THEMIS: variants seen among roughly 807,000 people sequenced by gnomAD.
THEMIS encodes thymocyte selection associated.
THEMIS carries 37 observed loss-of-function variants against 52.6 expected under a neutral mutation model. The observed-to-expected ratio is 0.70, with a 90% CI of 0.54 to 0.93. The LOEUF (loss-of-function observed/expected upper bound fraction) is 0.93. Among genes scored for constraint, THEMIS ranks in the 40% least tolerant of loss-of-function variants. THEMIS has a pLI of 0.00. For missense variants in THEMIS, 808 were observed against 763.1 expected, an observed-to-expected ratio of 1.06 and a Z score of -0.69; for synonymous variants, 292 against 272.7, an observed-to-expected ratio of 1.07 and a Z score of -0.70.
chr6:127,915,123 C>T (rs1448025436), intron 1 of THEMIS, among the ~76,000 whole-genome samples: 1 of 152,030 alleles, frequency 6.6e-6, no homozygotes, highest in Admixed American at 6.6e-5. Flanking sequence ...TTTAGAAGAA[C>T]CACAGAAAAC....
chr6:127,731,362 T>C (rs1355419821), intron 4 of THEMIS, among the ~76,000 whole-genome samples: 1 of 152,042 alleles, frequency 6.6e-6, no homozygotes, highest in African/African-American at 2.4e-5. Flanking sequence ...CATAATCACG[T>C]AAATATAATA....
rs531818949 is a variant in THEMIS at position 127,887,437 on chromosome 6, A to G, written c.91+13405T>C. Among the ~76,000 whole-genome samples the G allele has an allele frequency of 4.6e-5, 7 of 152,296 alleles. No homozygotes were observed. The South Asian group carries it at 1.2e-3, about 27-fold the overall frequency. On this transcript the variant is annotated intron_variant, in intron 1 of 5. Transcript: ENST00000368248. The stretch of plus-strand genomic sequence containing the variant: ...TGTAAAATGACATATTATTCATAAT[A>G]CTTGCAATCATGAAACAATCTGAGT...
intron 4 of THEMIS, among the ~76,000 whole-genome samples, chr6:127,809,427 A>G (rs1203476441): frequency 6.6e-6 from 1 of 152,208 alleles, no homozygotes; most frequent in Non-Finnish European, 1.5e-5. Context: ...TAAACAATGT[A>G]TTAAGCAGAT....
At chr6:127,834,219 T>C (rs1351699415) in intron 2 of THEMIS, among the ~76,000 whole-genome samples, 1 of 152,098 alleles carries the variant, frequency 6.6e-6, no homozygotes, top group Non-Finnish European at 1.5e-5. Flanking sequence ...TTTCTTAAAA[T>C]GTTGAGGGAA....
At chr6:127,729,198 CT>C (rs1774666240) in intron 4 of THEMIS, among the ~76,000 whole-genome samples, 1 of 87,278 alleles carries the variant, frequency 1.1e-5, no homozygotes, top group Admixed American at 1.2e-4. Flanking sequence ...CTCTCTCTCT[CT>C]CTCTTCACTC....
intron 3 of THEMIS, among the ~76,000 whole-genome samples, chr6:127,822,140 C>G (rs1778361989): frequency 6.6e-6 from 1 of 151,926 alleles, no homozygotes; most frequent in Admixed American, 6.6e-5. Context: ...CTCACCCACT[C>G]AATGAATTGT....
chr6:127,777,974 T>G (rs1776620568), intron 4 of THEMIS, among the ~76,000 whole-genome samples: 1 of 152,084 alleles, frequency 6.6e-6, no homozygotes, highest in Non-Finnish European at 1.5e-5. Flanking sequence ...CTGTTCTACT[T>G]ACTATTACAA....
At chr6:127,798,013 C>T (rs1171277288) in intron 4 of THEMIS, among the ~76,000 whole-genome samples, 1 of 152,198 alleles carries the variant, frequency 6.6e-6, no homozygotes, top group Non-Finnish European at 1.5e-5. Context: ...ATCTGTTAGA[C>T]TACACACATG....
At chr6:127,864,144 C>T (rs1779898285) in intron 1 of THEMIS, among the ~76,000 whole-genome samples, 1 of 151,912 alleles carries the variant, frequency 6.6e-6, no homozygotes, top group African/African-American at 2.4e-5. Flanking sequence ...AAAATCTTTT[C>T]ATATGAATAT....
chr6:127,822,318 T>A lies in THEMIS; in HGVS notation c.709+7158A>T, dbSNP rs180798767. Among the ~76,000 whole-genome samples, 5 of 152,218 alleles carry A rather than the reference T, an allele frequency of 3.3e-5. No homozygotes were observed. The East Asian group carries it at 7.7e-4, about 23-fold the overall frequency. Reference sequence around the variant, plus strand: ...ATGGATATTCTGCAAATTATTTTTTTAAATTTATTTAACTTTATTTCAACT... The same window carrying A: ...ATGGATATTCTGCAAATTATTTTTTAAAATTTATTTAACTTTATTTCAACT... On this transcript the variant is annotated intron_variant, in intron 3 of 5. Transcript: ENST00000368248.
intron 3 of THEMIS, among the ~76,000 whole-genome samples, chr6:127,826,192 C>T (rs569296056): frequency 4.6e-5 from 7 of 152,196 alleles, no homozygotes; most frequent in African/African-American, 2.4e-5. Flanking sequence ...CTCAGAAGAG[C>T]AGAATATGAG....
chr6:127,846,975 A>G (rs1445009111), intron 2 of THEMIS, among the ~76,000 whole-genome samples: 1 of 151,884 alleles, frequency 6.6e-6, no homozygotes, highest in Non-Finnish European at 1.5e-5. Flanking sequence ...ATGCAGAGAT[A>G]GTTTAACCCA....
At chr6:127,756,745 A>T (rs77863332) in intron 4 of THEMIS, among the ~76,000 whole-genome samples, 10,575 of 152,224 alleles carry the variant, frequency 0.069, 370 homozygotes, top group Non-Finnish European at 0.086. Context: ...AGTAATGTCA[A>T]TTTGAACTCC....
chr6:127,877,922 G>T (rs188489208), intron 1 of THEMIS, among the ~76,000 whole-genome samples: 3 of 152,112 alleles, frequency 2.0e-5, no homozygotes, highest in African/African-American at 4.8e-5. Flanking sequence ...ATCTGTTCAA[G>T]AGTTTTAACC....
At chr6:127,772,342 A>G in intron 4 of THEMIS, among the ~76,000 whole-genome samples, 1 of 152,054 alleles carries the variant, frequency 6.6e-6, no homozygotes, top group South Asian at 2.1e-4. Flanking sequence ...AATTAAAATA[A>G]ATTTTGAATA....
intron 4 of THEMIS, among the ~76,000 whole-genome samples, chr6:127,748,774 ATC>A: frequency 6.6e-6 from 1 of 152,190 alleles, no homozygotes; most frequent in African/African-American, 2.4e-5. Flanking sequence ...GAAAGTCACA[ATC>A]TCTCAGAAAC....
chr6:127,766,072 C>G (rs1776188753), intron 4 of THEMIS, among the ~76,000 whole-genome samples: 1 of 152,064 alleles, frequency 6.6e-6, no homozygotes, highest in Non-Finnish European at 1.5e-5. Context: ...AAATTCAAAG[C>G]ATCTGCACTC....
chr6:127,875,122 C>A (rs1190285211), intron 1 of THEMIS, among the ~76,000 whole-genome samples: 1 of 152,238 alleles, frequency 6.6e-6, no homozygotes, highest in Admixed American at 6.5e-5. Flanking sequence ...TCTGCCCCTG[C>A]AATCAATGGA....
At chr6:127,852,018 T>C (rs992925937) in intron 2 of THEMIS, among the ~76,000 whole-genome samples, 1 of 151,630 alleles carries the variant, frequency 6.6e-6, no homozygotes, top group Non-Finnish European at 1.5e-5. Flanking sequence ...CGTCGGGGAC[T>C]GTCTGTAGTT....
Sources: allele counts gnomAD v4.1 joint callset (sites outside exome capture counted in the v4.1 genomes callset), GRCh38; gene constraint gnomAD v4.1.1; transcripts MANE v1.5; gene names NCBI Gene and HGNC (gene_info 2026-07-23, HGNC 2026-07-21).